The following CPD variants were observed in gnomAD, a reference collection of about 807,000 sequenced individuals.
CPD encodes carboxypeptidase D.
A neutral mutation model predicts 138.3 loss-of-function variants in CPD; 69 were observed. That is an observed-to-expected ratio of 0.50 (90% CI 0.41 to 0.61). The LOEUF (loss-of-function observed/expected upper bound fraction) is 0.61, where lower values mean the gene tolerates loss of function less well. Among genes scored for constraint, CPD ranks in the 20% least tolerant of loss-of-function variants. The pLI, the probability that CPD is intolerant of heterozygous loss-of-function variation, is 0.00. For synonymous variants in CPD, 651 were observed against 642.1 expected (o/e 1.01, Z -0.21); for missense variants, 1,432 against 1,733.3 (o/e 0.83, Z 3.09).
intron 2 of CPD, among the ~76,000 whole-genome samples, chr17:30,414,635 C>T (rs537468207): frequency 1.8e-3 from 268 of 151,314 alleles, no homozygotes; most frequent in African/African-American, 6.2e-3. Context: ...ATGGCAGTGG[C>T]TTGTACAGGG....
Position 30,442,197 on chromosome 17 carries a change from A to T in CPD, c.2231-111A>T, listed in dbSNP as rs529821305. The T allele has an allele frequency of 4.3e-6, 4 of 922,070 alleles. No individual in the cohort carries two copies. The South Asian group carries it at 6.9e-5, about 16-fold the overall frequency. 57.1% of individuals were successfully genotyped at this position (922,070 alleles called of 1,614,324 possible). On this transcript the variant is annotated intron_variant, in intron 9 of 20. Transcript: ENST00000225719. ...CCTCACATGAACACGTTAGCTTATC[A>T]ATGCTGATAAGAGATAAATTTGGCT...
In CPD at chr17:30,416,009, T is replaced by A. The variant is rs117590820; in HGVS notation, c.995-4832T>A. Among the ~76,000 whole-genome samples the A allele has an allele frequency of 2.1e-3, 323 of 152,276 alleles. 9 individuals carry two copies. The East Asian group carries it at 0.052, about 24-fold the overall frequency. On this transcript the variant is annotated intron_variant, in intron 2 of 20. Coordinates refer to ENST00000225719, the MANE Select transcript of CPD (RefSeq NM_001304.5). ...GTGGCAAAAGGGGAGTTGTTTATAA[T>A]GGATATGGAGCTTCATTTTTTGCGA...
intron 8 of CPD, among the ~76,000 whole-genome samples, chr17:30,435,316 A>G (rs1471058009): frequency 1.3e-5 from 2 of 152,210 alleles, no homozygotes; most frequent in Non-Finnish European, 2.9e-5. Flanking sequence ...ATATAGATCA[A>G]TGAAATAGAA....
chr17:30,422,420 G>A (rs940478755), intron 4 of CPD, among the ~76,000 whole-genome samples: 2 of 152,144 alleles, frequency 1.3e-5, no homozygotes, highest in African/African-American at 4.8e-5. Flanking sequence ...TCTTTCCTTT[G>A]AGTGTAATTT....
At chr17:30,390,316 G>A (rs552792767) in intron 2 of CPD, among the ~76,000 whole-genome samples, 269 of 152,210 alleles carry the variant, frequency 1.8e-3, no homozygotes, top group African/African-American at 6.2e-3. Context: ...ATGCTCAGCC[G>A]AGTAATTTTA....
At chr17:30,380,385 T>G in intron 1 of CPD, 1 of 892,014 alleles carries the variant, frequency 1.1e-6, no homozygotes, top group Non-Finnish European at 1.4e-6. Flanking sequence ...AATTTTTACC[T>G]CTGACTCAGC....
Position 30,422,844 on chromosome 17 carries a change from A to G in CPD, c.1478A>G (p.Tyr493Cys). ...PNILSGTSSS[Y>C]QPIQPKDFHH... ...ATTCTTTCTGGAACATCATCCTCCT[A>G]CCAGCCAATTCAGCCAAAGGACTTT... is the stretch of plus-strand genomic sequence containing the variant. The change falls in exon 5 of 21, where the codon TAC becomes TGC. Residue 493 changes from tyrosine (Y) to cysteine (C), a missense_variant. By Grantham distance (194) the Tyr-to-Cys change is radical. This residue lies in a region of CPD where 160 missense variants were observed against 197.9 expected (regional missense o/e 0.81). Coordinates refer to ENST00000225719, the MANE Select transcript of CPD (RefSeq NM_001304.5). 1.2e-6 allele frequency: 2 copies of G among 1,614,108 alleles called. No individual in the cohort carries two copies. The highest frequency in any genetic ancestry group is 1.7e-4 in the Middle Eastern group (1 of 6,060).
rs1912778014 is a variant in CPD at position 30,439,003 on chromosome 17, C to G, written c.2156C>G (p.Pro719Arg). The G allele has an allele frequency of 6.3e-7, 1 of 1,582,592 alleles. No individual in the cohort carries two copies. The highest frequency in any genetic ancestry group is 8.5e-7 in the Non-Finnish European group (1 of 1,169,928). ...AATTCCCAGATGTTTCAAGGTAGAC[C>G]TTGCAAGAATATGTATCCTAATGAA... Reference protein sequence around the residue: ...KENSQMFQGRPCKNMYPNEYF... With the variant: ...KENSQMFQGRRCKNMYPNEYF... The change falls in exon 9 of 21, where the codon CCT (proline) becomes CGT (arginine). Residue 719 changes from proline (P) to arginine (R), a missense_variant. Physicochemically the swap from Pro to Arg is moderately radical, Grantham distance 103. Around this residue, in one of 6 missense-constraint regions of CPD, gnomAD observed 297 missense variants for 405.3 expected, o/e 0.73. Transcript: ENST00000225719.
chr17:30,424,886 T>C (rs1016862915), intron 6 of CPD, among the ~76,000 whole-genome samples: 5 of 152,184 alleles, frequency 3.3e-5, no homozygotes, highest in South Asian at 2.1e-4. Context: ...GACCTGACCA[T>C]TGGGAGGATC....
chr17:30,387,241 C>G (rs1327160823), intron 2 of CPD, among the ~76,000 whole-genome samples: 1 of 152,154 alleles, frequency 6.6e-6, no homozygotes, highest in Non-Finnish European at 1.5e-5. Context: ...CCTCAGCCTC[C>G]CAAGTAGCTG....
intron 2 of CPD, among the ~76,000 whole-genome samples, chr17:30,399,053 CATT>C (rs1457314197): frequency 6.6e-6 from 1 of 151,826 alleles, no homozygotes; most frequent in Non-Finnish European, 1.5e-5. Context: ...GAAAACAGTT[CATT>C]ATTATAGACT....
intron 11 of CPD, among the ~76,000 whole-genome samples, 180 bp from the exon 12 acceptor site, chr17:30,445,511 A>G (rs1409713323): frequency 6.6e-6 from 1 of 152,134 alleles, no homozygotes; most frequent in African/African-American, 2.4e-5. Flanking sequence ...TAATATACCC[A>G]TGTCTATTCT....
rs1450417157 is a variant in CPD, at chr17:30,467,953, C to T, written c.*3139C>T. The T allele has an allele frequency of 2.0e-5, 3 of 152,106 alleles. No individual in the cohort carries two copies. The East Asian group carries it at 5.8e-4, about 29-fold the overall frequency. 9.4% of individuals were successfully genotyped at this position (152,106 alleles called of 1,614,324 possible). ...ATATATTTTTGTTTTATTGTTATTA[C>T]CAAAAATTCCACTATGATTGATGTT... is the stretch of plus-strand genomic sequence containing the variant. On this transcript the variant is annotated 3_prime_UTR_variant, in exon 21 of 21. Transcript: ENST00000225719.
intron 20 of CPD, among the ~76,000 whole-genome samples, chr17:30,463,098 G>C (rs1371042761): frequency 1.3e-5 from 2 of 152,228 alleles, no homozygotes; most frequent in Non-Finnish European, 2.9e-5. Flanking sequence ...GTGCTGCAGA[G>C]ATTTTGTTTA....
rs1913659866 is a variant in CPD at position 30,467,035 on chromosome 17, A to G, written c.*2221A>G. On this transcript the variant is annotated 3_prime_UTR_variant, in exon 21 of 21. Transcript: ENST00000225719. ...GAAGCGTGAATGTATAGGATACCTG[A>G]CTACTAAGACTATATTCTCAGCCCT... 1 of 152,600 alleles carries G rather than the reference A, an allele frequency of 6.6e-6. No homozygotes were observed. The allele number at this position is 152,600 out of a possible 1,614,324, so 9.5% of individuals were successfully genotyped here.
chr17:30,418,084 A>T (rs1912163029), intron 2 of CPD, among the ~76,000 whole-genome samples: 1 of 152,200 alleles, frequency 6.6e-6, no homozygotes. Flanking sequence ...AGATATAACT[A>T]AAAAACTGCC....
chr17:30,388,127 C>G (rs918435223), intron 2 of CPD, among the ~76,000 whole-genome samples: 1 of 152,210 alleles, frequency 6.6e-6, no homozygotes, highest in Non-Finnish European at 1.5e-5. Flanking sequence ...ATCTCTCCAT[C>G]CTCTGCCTTG....
chr17:30,383,915 A>G (rs940495011), intron 1 of CPD, among the ~76,000 whole-genome samples: 7 of 152,192 alleles, frequency 4.6e-5, no homozygotes, highest in African/African-American at 1.7e-4. Context: ...AAGATGCTTA[A>G]ATAGGACTTT....
At chr17:30,442,136 A>G (rs898132365) in intron 9 of CPD, among the ~76,000 whole-genome samples, 172 bp from the exon 10 acceptor site, 1 of 152,164 alleles carries the variant, frequency 6.6e-6, no homozygotes, top group African/African-American at 2.4e-5. Context: ...ACATGAAGGT[A>G]TAGGTGTTTT....
Sources: gnomAD v4.1 joint callset for allele counts (sites outside exome capture counted in the v4.1 genomes callset) on GRCh38, gnomAD v4.1.1 for gene constraint, gnomAD v4.1.1 regional missense constraint, MANE v1.5 for transcripts, NCBI Gene and HGNC (gene_info 2026-07-23, HGNC 2026-07-21) for gene names.